The following ANKRD11 variants were observed in gnomAD, a reference collection of about 807,000 sequenced individuals.
ANKRD11 encodes the protein ankyrin repeat domain 11.
ANKRD11 carries 17 observed loss-of-function variants against 195.7 expected under a neutral mutation model. That is an observed-to-expected ratio of 0.09 (90% confidence interval 0.06 to 0.13). ANKRD11 has a LOEUF of 0.13. ANKRD11 is among the 10% of genes least tolerant of loss of function. The probability of loss-of-function intolerance (pLI) is 1.00; values close to 1 mark genes in which losing one functional copy is unlikely to be tolerated. For synonymous variants in ANKRD11, 1,953 were observed against 1,528.1 expected (o/e 1.28, Z -6.49); for missense variants, 3,735 against 3,566.1 (o/e 1.05, Z -1.21).
intron 3 of ANKRD11, among the ~76,000 whole-genome samples, chr16:89,307,678 G>A (rs916188784): frequency 1.3e-5 from 2 of 152,228 alleles, no homozygotes; most frequent in African/African-American, 2.4e-5. Flanking sequence ...CCCGCCGCCT[G>A]GCTGCAGCTC....
At position 89,303,486 on chromosome 16, in the gene ANKRD11, C is replaced by T. The variant is rs74781618; in HGVS notation, c.226+1720G>A. Among the ~76,000 whole-genome samples, 382 of 152,344 alleles carry T rather than the reference C, an allele frequency of 2.5e-3. 14 individuals carry two copies. In the East Asian group the frequency reaches 0.066, roughly 26 times the overall value. On this transcript the variant is annotated intron_variant, in intron 4 of 12. Coordinates refer to ENST00000301030, the MANE Select transcript of ANKRD11 (RefSeq NM_013275.6). Reference sequence around the variant, plus strand: ...ATTCTGTCCACTCACTTCCCCGTGTCTCCCAGTGTTCTTCCTCGGAGCTGT... The same window carrying T: ...ATTCTGTCCACTCACTTCCCCGTGTTTCCCAGTGTTCTTCCTCGGAGCTGT...
intron 2 of ANKRD11, among the ~76,000 whole-genome samples, chr16:89,399,699 A>T (rs1021239582): frequency 6.6e-6 from 1 of 152,306 alleles, no homozygotes; most frequent in African/African-American, 2.4e-5. Context: ...CGCGACTATA[A>T]CAAATGGCCG....
At chr16:89,389,100 C>G (rs537474312) in intron 2 of ANKRD11, among the ~76,000 whole-genome samples, 4 of 152,064 alleles carry the variant, frequency 2.6e-5, no homozygotes, top group Non-Finnish European at 5.9e-5. Context: ...TGCAGTGGTA[C>G]GACAGCCTCC....
intron 1 of ANKRD11, among the ~76,000 whole-genome samples, chr16:89,460,650 T>G (rs1344490055): frequency 6.6e-6 from 1 of 152,034 alleles, no homozygotes; most frequent in African/African-American, 2.4e-5. Context: ...AGCAGGCGGG[T>G]TGTTTGAGCC....
At chr16:89,315,805 C>T (rs2036919765) in intron 3 of ANKRD11, among the ~76,000 whole-genome samples, 2 of 152,198 alleles carry the variant, frequency 1.3e-5, no homozygotes, top group South Asian at 4.1e-4. Flanking sequence ...CATCATGTTG[C>T]TGCTGAGGGG....
chr16:89,328,956 C>T (rs370433562), intron 2 of ANKRD11: 1 of 134,506 alleles, frequency 7.4e-6, no homozygotes, highest in Non-Finnish European at 1.6e-5. Context: ...GGAGCACGGG[C>T]GAAATCAGTG....
chr16:89,469,830 G>T (rs893348218), intron 1 of ANKRD11, among the ~76,000 whole-genome samples: 1 of 73,018 alleles, frequency 1.4e-5, no homozygotes, highest in East Asian at 4.3e-4. Flanking sequence ...ACCCGGGAGC[G>T]GCAGTTGCAG....
intron 2 of ANKRD11, among the ~76,000 whole-genome samples, chr16:89,381,935 C>G (rs896107344): frequency 6.6e-6 from 1 of 152,206 alleles, no homozygotes; most frequent in Non-Finnish European, 1.5e-5. Flanking sequence ...GACCTCTCCA[C>G]GGGGCTCAGA....
chr16:89,359,120 A>T (rs995129557), intron 2 of ANKRD11, among the ~76,000 whole-genome samples: 12 of 152,124 alleles, frequency 7.9e-5, no homozygotes, highest in African/African-American at 2.9e-4. Context: ...ATAAAACATC[A>T]TTGTCACTGT....
intron 2 of ANKRD11, among the ~76,000 whole-genome samples, chr16:89,346,541 G>C (rs1303123473): frequency 1.3e-5 from 2 of 152,238 alleles, no homozygotes; most frequent in Non-Finnish European, 2.9e-5. Flanking sequence ...TAAAAACTGT[G>C]AGAGTCACCT....
At chr16:89,307,001 T>A in intron 3 of ANKRD11, among the ~76,000 whole-genome samples, 1 of 136,748 alleles carries the variant, frequency 7.3e-6, no homozygotes, top group Admixed American at 7.1e-5. Context: ...CACACAGCGC[T>A]CGGGACGTGG....
Position 89,281,019 on chromosome 16 carries a change from C to A in ANKRD11, c.5523G>T (p.Glu1841Asp). The change falls in exon 9 of 13, where the codon GAG (glutamate) becomes GAT (aspartate). Residue 1841 changes from glutamate (E) to aspartate (D), a missense_variant. Transcript: ENST00000301030. The surrounding 1 kb of genome is among the most constrained non-coding windows in gnomAD (Gnocchi z 5.5). The stretch of plus-strand genomic sequence containing the variant: ...ACCCTGGCGACAAGCAGGCAAACTT[C>A]TCCGCGGGAACCGGGGGCAGGGGCG... ...DRAPLPPVPA[E>D]KFACLSPGYY... 6.3e-7 allele frequency: 1 copy of A among 1,591,214 alleles called. No individual in the cohort carries two copies. Among genetic ancestry groups the A allele is most frequent in the Non-Finnish European group, 8.6e-7 (1 of 1,167,344 alleles).
chr16:89,361,174 G>A (rs774841931), intron 2 of ANKRD11, among the ~76,000 whole-genome samples: 8 of 152,182 alleles, frequency 5.3e-5, no homozygotes, highest in Non-Finnish European at 1.0e-4. Context: ...ACCCTGCTCA[G>A]CTACCCTAAA....
intron 1 of ANKRD11, among the ~76,000 whole-genome samples, chr16:89,446,881 C>T (rs1045943190): frequency 2.6e-5 from 4 of 152,250 alleles, no homozygotes; most frequent in African/African-American, 7.2e-5. Context: ...GCTGCTTCTC[C>T]GCTTGTCACC....
chr16:89,422,899 C>T (rs994154113), intron 1 of ANKRD11, among the ~76,000 whole-genome samples: 2 of 152,138 alleles, frequency 1.3e-5, no homozygotes, highest in African/African-American at 4.8e-5. Flanking sequence ...TTCTTTATAT[C>T]AAAGCACATC....
At chr16:89,381,778 A>G (rs116367772) in intron 2 of ANKRD11, among the ~76,000 whole-genome samples, 2,855 of 152,264 alleles carry the variant, frequency 0.019, 98 homozygotes, top group African/African-American at 0.066. Flanking sequence ...ACACTTTGTG[A>G]ACAAGTGTTC....
chr16:89,464,284 TA>T (rs2056806798), intron 1 of ANKRD11, among the ~76,000 whole-genome samples: 1 of 151,264 alleles, frequency 6.6e-6, no homozygotes, highest in Admixed American at 6.6e-5. Context: ...CCCTCTTATC[TA>T]AAATTTCTTA....
chr16:89,329,379 A>G (rs1191317416), intron 2 of ANKRD11, among the ~76,000 whole-genome samples: 3 of 152,162 alleles, frequency 2.0e-5, no homozygotes, highest in Non-Finnish European at 2.9e-5. Flanking sequence ...GTGAGTCTAT[A>G]ATGATTTCAC....
At chr16:89,447,382 G>C (rs1407217475) in intron 1 of ANKRD11, among the ~76,000 whole-genome samples, 1 of 152,076 alleles carries the variant, frequency 6.6e-6, no homozygotes, top group Non-Finnish European at 1.5e-5. Flanking sequence ...AAGGGGGCCT[G>C]AGGTGCCAAA....
Sources: gnomAD v4.1 joint callset for allele counts (sites outside exome capture counted in the v4.1 genomes callset) on GRCh38, gnomAD v4.1.1 for gene constraint, Gnocchi (gnomAD v3.1) non-coding constraint, MANE v1.5 for transcripts, NCBI Gene and HGNC (gene_info 2026-07-23, HGNC 2026-07-21) for gene names.